Variants in UNC93A observed in about 807,000 individuals in gnomAD.
UNC93A encodes the protein unc-93 homolog A, also known as N-acetylglucosamine transporter UNC93A.
UNC93A carries 43 observed loss-of-function variants against 47.5 expected under a neutral mutation model. The ratio of observed to expected loss-of-function variants is 0.91; its 90% CI spans 0.71 to 1.17. The LOEUF (loss-of-function observed/expected upper bound fraction) is 1.17, where lower values mean the gene tolerates loss of function less well. UNC93A is among the 50% of genes most tolerant of loss of function. The probability of loss-of-function intolerance (pLI) is 0.00; values close to 1 mark genes in which losing one functional copy is unlikely to be tolerated. For synonymous variants in UNC93A, 280 were observed against 258.0 expected (o/e 1.09, Z -0.82); for missense variants, 605 against 577.6 (o/e 1.05, Z -0.49).
At chr6:167,269,934 G>C (rs35874140), upstream of UNC93A, among the ~76,000 whole-genome samples, 12,837 of 151,920 alleles carry the variant, frequency 0.084, 791 homozygotes, top group East Asian at 0.2. Flanking sequence ...ACTTTTTCCT[G>C]CTTTTTGTAC....
At chr6:167,308,022 G>T in intron 7 of UNC93A, 112 bp downstream of exon 7, 2 of 1,420,238 alleles carry the variant, frequency 1.4e-6, no homozygotes, top group East Asian at 2.5e-5. Context: ...GAGATGAGTT[G>T]GGAGAGACGG....
intron 4 of UNC93A, among the ~76,000 whole-genome samples, chr6:167,298,956 A>C (rs1232220879): frequency 6.6e-6 from 1 of 151,886 alleles, no homozygotes; most frequent in Admixed American, 6.6e-5. Context: ...TGCACTAAAA[A>C]TACAAAAATT....
chr6:167,291,399 T>G lies in UNC93A; in HGVS notation c.-91T>G. The G allele has an allele frequency of 9.1e-7, 1 of 1,098,174 alleles. No homozygotes were observed. Among genetic ancestry groups the G allele is most frequent in the South Asian group, 1.4e-5 (1 of 69,372 alleles). The allele number at this position is 1,098,174 out of a possible 1,614,324, so 68.0% of individuals were successfully genotyped here. A position where few individuals can be genotyped will look rare whatever the true frequency, so the allele number is the denominator to read the frequency against. ...TGAGAGAGAGAATGGGACTTCTTGG[T>G]ACTGATTGTTTTTCCCATGCCTCAA... On this transcript the variant is annotated 5_prime_UTR_variant, in exon 1 of 8. Transcript: ENST00000230256.
At chr6:167,294,787 G>A in intron 2 of UNC93A, 89 bp downstream of exon 2, 2 of 1,408,906 alleles carry the variant, frequency 1.4e-6, no homozygotes, top group Admixed American at 4.0e-5. Context: ...ATTTGCACCT[G>A]ATTACTGTTC....
chr6:167,307,456 C>CAGTTCCAGAGGATGGTTGGAAT (rs11270007), intron 6 of UNC93A, among the ~76,000 whole-genome samples: 1 of 150,346 alleles, frequency 6.7e-6, no homozygotes, highest in Non-Finnish European at 1.5e-5. Flanking sequence ...TTCCAGAGGA[C>CAGTTCCAGAGGATGGTTGGAAT]GGTTCCAGAG....
chr6:167,274,325 TG>T (rs1783502065), intron 1 of UNC93A, among the ~76,000 whole-genome samples: 1 of 152,136 alleles, frequency 6.6e-6, no homozygotes, highest in African/African-American at 2.4e-5. Flanking sequence ...TTCCATCTGG[TG>T]GTACATTCAG....
chr6:167,269,590 C>G (rs1332683993), upstream of UNC93A, among the ~76,000 whole-genome samples: 1 of 152,054 alleles, frequency 6.6e-6, no homozygotes, highest in Non-Finnish European at 1.5e-5. Context: ...CATAATGGCA[C>G]TTTTTAAAAA....
At chr6:167,286,836 G>A (rs1783742926), upstream of UNC93A, among the ~76,000 whole-genome samples, 1 of 151,890 alleles carries the variant, frequency 6.6e-6, no homozygotes, top group South Asian at 2.1e-4. Context: ...AAATTAGCTG[G>A]GTGTGGTGGC....
At chr6:167,272,779 A>T (rs1783470146) in intron 1 of UNC93A, among the ~76,000 whole-genome samples, 1 of 152,250 alleles carries the variant, frequency 6.6e-6, no homozygotes, top group Non-Finnish European at 1.5e-5. Flanking sequence ...TTAAGATAAC[A>T]GGTTGTGGAG....
chr6:167,300,197 T>A (rs997257404), intron 4 of UNC93A, among the ~76,000 whole-genome samples: 4 of 152,170 alleles, frequency 2.6e-5, no homozygotes, highest in African/African-American at 9.7e-5. Context: ...CAGAGGCCAA[T>A]GCAAGTGTGG....
chr6:167,294,591 C>T lies in UNC93A; in HGVS notation c.162C>T (p.Ser54=). The T allele has an allele frequency of 6.2e-7, 1 of 1,614,028 alleles. No homozygotes were observed. The highest frequency in any genetic ancestry group is 8.5e-7 in the Non-Finnish European group (1 of 1,179,966). The part of the protein sequence containing the change: ...STLYGGMLLS[S]MFLPPLLIER... ...TCTATGGAGGCATGCTCCTGTCCTC[C>T]ATGTTCCTCCCACCGCTCCTCATCG... The change falls in exon 2 of 8, where the codon TCC becomes TCT. Residue 54 remains serine, a synonymous_variant. Coordinates refer to ENST00000230256, the MANE Select transcript of UNC93A (RefSeq NM_018974.4).
At position 167,299,145 on chromosome 6, in the gene UNC93A, C is replaced by A. The variant is rs530773214; in HGVS notation, c.625+1075C>A. ...AAAAAAAAAAATACACACACACACA[C>A]ACACACATATTTATATATGCATGTA... On this transcript the variant is annotated intron_variant, in intron 4 of 7. Transcript: ENST00000230256. Among the ~76,000 whole-genome samples, 9 of 144,770 alleles carry A rather than the reference C, an allele frequency of 6.2e-5. No individual in the cohort carries two copies. The East Asian group carries it at 1.8e-3, about 29-fold the overall frequency. The allele number at this position is 144,770 out of a possible 152,430, so 95.0% of individuals were successfully genotyped here.
intron 1 of UNC93A, among the ~76,000 whole-genome samples, 195 bp from the exon 2 acceptor site, chr6:167,294,322 C>CT (rs1358925843): frequency 6.6e-6 from 1 of 152,206 alleles, no homozygotes; most frequent in East Asian, 1.9e-4. Flanking sequence ...TTTAGACACA[C>CT]TAACTGCTTT....
intron 7 of UNC93A, among the ~76,000 whole-genome samples, chr6:167,313,916 A>G (rs763474757): frequency 1.3e-5 from 2 of 152,178 alleles, no homozygotes; most frequent in Non-Finnish European, 2.9e-5. Flanking sequence ...CATTACTTTT[A>G]TTAAGGTGGA....
chr6:167,286,757 TG>T, upstream of UNC93A, among the ~76,000 whole-genome samples: 2 of 151,962 alleles, frequency 1.3e-5, no homozygotes, highest in Non-Finnish European at 2.9e-5. Context: ...GCGGGCGGAT[TG>T]CCTGAGCTCA....
upstream of UNC93A, among the ~76,000 whole-genome samples, chr6:167,269,764 G>A (rs1736600): frequency 0.25 from 38,478 of 151,320 alleles, 5,458 homozygotes; most frequent in African/African-American, 0.38. Context: ...CCACCACCAC[G>A]CCTGGCTTTT....
chr6:167,271,206 C>A (rs901316594), exon 1 of UNC93A: 3 of 148,466 alleles, frequency 2.0e-5, no homozygotes, highest in Non-Finnish European at 4.4e-5. Flanking sequence ...GACAGAGAAC[C>A]TCAACAGGAG....
intron 1 of UNC93A, among the ~76,000 whole-genome samples, chr6:167,280,160 C>T (rs1158093581): frequency 1.3e-5 from 2 of 152,120 alleles, no homozygotes; most frequent in Admixed American, 6.5e-5. Flanking sequence ...TGTAACTGTA[C>T]ATTTGATACT....
upstream of UNC93A, among the ~76,000 whole-genome samples, chr6:167,290,988 T>G (rs949177087): frequency 1.3e-5 from 2 of 152,226 alleles, no homozygotes; most frequent in African/African-American, 4.8e-5. Context: ...CGTTAGCTCT[T>G]TTTCAGAAGT....
Sources: allele counts gnomAD v4.1 joint callset (sites outside exome capture counted in the v4.1 genomes callset), GRCh38; gene constraint gnomAD v4.1.1; transcripts MANE v1.5; gene names NCBI Gene and HGNC (gene_info 2026-07-23, HGNC 2026-07-21).